WDFY3: variants seen among roughly 807,000 people sequenced by gnomAD.
WDFY3 encodes WD repeat and FYVE domain containing 3.
A neutral mutation model predicts 409.6 loss-of-function variants in WDFY3; 66 were observed. The observed-to-expected ratio is 0.16, with a 90% CI of 0.13 to 0.20. The LOEUF is 0.20. Among genes scored for constraint, WDFY3 ranks in the 10% least tolerant of loss-of-function variants. The pLI, the probability that WDFY3 is intolerant of heterozygous loss-of-function variation, is 1.00. For missense variants in WDFY3, 3,031 were observed against 4,298.1 expected (o/e 0.71, Z 8.24); for synonymous variants, 1,521 against 1,537.1 (o/e 0.99, Z 0.25).
At chr4:84,850,465 T>C (rs1046544153) in intron 4 of WDFY3, among the ~76,000 whole-genome samples, 4 of 151,980 alleles carry the variant, frequency 2.6e-5, no homozygotes, top group Non-Finnish European at 5.9e-5. Flanking sequence ...TACAGGTGCA[T>C]GCCATCATGC....
At chr4:84,939,387 G>C (rs1771830645) in intron 1 of WDFY3, among the ~76,000 whole-genome samples, 7 of 152,092 alleles carry the variant, frequency 4.6e-5, no homozygotes, top group Admixed American at 3.9e-4. Context: ...ATTATCCCTT[G>C]CAATTAGTAC....
In WDFY3 at chr4:84,954,655, ACTGT is replaced by A. The variant is rs373870350; in HGVS notation, c.-226+11550_-226+11553del. On this transcript the variant is annotated intron_variant, in intron 1 of 67. Coordinates refer to ENST00000295888, the MANE Select transcript of WDFY3 (RefSeq NM_014991.6). ...ATTTTCTTAATTTTCTGACATGTTTACTGTCTATTTACATTTATTCACTCAACAA... is the reference window on the plus strand; with the variant it reads ...ATTTTCTTAATTTTCTGACATGTTTACTATTTACATTTATTCACTCAACAA... 1.5e-3 allele frequency among the ~76,000 whole-genome samples: 235 copies of A among 152,322 alleles called. 2 individuals are homozygous for A. Among genetic ancestry groups the A allele is most frequent in the African/African-American group, 5.4e-3 (223 of 41,584 alleles).
intron 3 of WDFY3, among the ~76,000 whole-genome samples, chr4:84,870,128 T>C (rs1041552839): frequency 2.6e-5 from 4 of 152,184 alleles, no homozygotes; most frequent in African/African-American, 9.7e-5. Flanking sequence ...AACAGATCAA[T>C]AGGTAATTCA....
chr4:84,817,566 T>C lies in WDFY3; in HGVS notation c.1713A>G (p.Gly571=), dbSNP rs761879877. ...CTATATTATGTGCACATCTTGCACC[T>C]CCAAATTCTCGAAAAATTCCTTGAA... is the stretch of plus-strand genomic sequence containing the variant. ...NTNAGIFREF[G]GARCAHNIVK... Residue 571 remains glycine, a synonymous_variant, in exon 13 of 68, where the codon GGA becomes GGG. Transcript: ENST00000295888. 3.8e-6 allele frequency: 6 copies of C among 1,595,344 alleles called. No individual in the cohort carries two copies. The highest frequency in any genetic ancestry group is 5.1e-6 in the Non-Finnish European group (6 of 1,170,550).
rs1214255094 is a variant in WDFY3, at chr4:84,810,301, A to T, written c.1931T>A (p.Val644Asp). Residue 644 changes from valine (V) to aspartate (D), a missense_variant, in exon 14 of 68, where the codon GTT becomes GAT. This residue lies in a region of WDFY3 where 1,322 missense variants were observed against 1,697.9 expected (regional missense o/e 0.78). Coordinates refer to ENST00000295888, the MANE Select transcript of WDFY3 (RefSeq NM_014991.6). The stretch of plus-strand genomic sequence containing the variant: ...CACAAATCCTCCAACTTTCCTAAAA[A>T]CTGTTCTTGAACGATGGCTTTCTCG... Reference protein sequence around the residue: ...VLRESHRSRTVFRKVGGFVYI... With the variant: ...VLRESHRSRTDFRKVGGFVYI... 1 of 1,613,166 alleles carries T rather than the reference A, an allele frequency of 6.2e-7. No homozygotes were observed. Among genetic ancestry groups the T allele is most frequent in the Non-Finnish European group, 8.5e-7 (1 of 1,179,772 alleles).
At chr4:84,776,968 G>T (rs1745658577) in intron 27 of WDFY3, among the ~76,000 whole-genome samples, 1 of 152,040 alleles carries the variant, frequency 6.6e-6, no homozygotes, top group Non-Finnish European at 1.5e-5. Flanking sequence ...ATTGATTAGG[G>T]CTTGAATTAA....
At chr4:84,677,047 T>A in intron 67 of WDFY3, 152 bp downstream of exon 67, 3 of 871,640 alleles carry the variant, frequency 3.4e-6, no homozygotes, top group Non-Finnish European at 5.0e-6. Context: ...ATTGTAGTAA[T>A]AAAGAAGAAC....
intron 29 of WDFY3, among the ~76,000 whole-genome samples, chr4:84,773,666 ATAAT>A (rs1745059909): frequency 6.6e-6 from 1 of 152,244 alleles, no homozygotes; most frequent in South Asian, 2.1e-4. Flanking sequence ...AATGATAATT[ATAAT>A]TAATTCTCCA....
chr4:84,836,584 A>T (rs1756605108), intron 7 of WDFY3, among the ~76,000 whole-genome samples: 1 of 151,990 alleles, frequency 6.6e-6, no homozygotes, highest in Admixed American at 6.6e-5. Flanking sequence ...ACTAGATAGA[A>T]TTTTGAGACA....
rs752889806 is a variant in WDFY3, at chr4:84,801,645, C to T, written c.2822+5G>A. 5.0e-6 allele frequency: 8 copies of T among 1,603,112 alleles called. No individual in the cohort carries two copies. The African/African-American group carries it at 9.4e-5, about 19-fold the overall frequency. On this transcript the variant is annotated splice_donor_5th_base_variant and intron_variant, in intron 17 of 67. Coordinates refer to ENST00000295888, the MANE Select transcript of WDFY3 (RefSeq NM_014991.6). ...TGGACTATTTGAGTATGAAAGAGAA[C>T]TTACCTCAACACCATGGGTTCCAGA...
intron 3 of WDFY3, among the ~76,000 whole-genome samples, chr4:84,861,391 CTTAAT>C (rs1266811094): frequency 4.6e-5 from 7 of 152,052 alleles, no homozygotes; most frequent in African/African-American, 1.7e-4. Flanking sequence ...TTTATAATTA[CTTAAT>C]TTTTTTGCTA....
intron 19 of WDFY3, among the ~76,000 whole-genome samples, chr4:84,795,966 T>C (rs1468087400): frequency 1.3e-5 from 2 of 152,100 alleles, no homozygotes; most frequent in Non-Finnish European, 2.9e-5. Flanking sequence ...ATATTTATAA[T>C]GTATAAATTA....
chr4:84,796,565 A>G lies in WDFY3; in HGVS notation c.3123T>C (p.Val1041=). The change falls in exon 19 of 68, where the codon GTT becomes GTC. Residue 1041 remains valine, a synonymous_variant. Transcript: ENST00000295888. ...TGTCAAATTCAACAAAAGCTGGAGT[A>G]ACTGATGACCCATGAAGTCTGATGT... ...PHDIRLHGSS[V]TPAFVEFDTS... The G allele has an allele frequency of 6.2e-7, 1 of 1,606,922 alleles. No individual in the cohort carries two copies. Among genetic ancestry groups the G allele is most frequent in the Non-Finnish European group, 8.5e-7 (1 of 1,176,214 alleles).
chr4:84,702,344 T>G lies in WDFY3; in HGVS notation c.8596+9A>C, dbSNP rs2148935676. ...AACATTCCTAAGACAGTGCCATAGC[T>G]CTACGTACCTAGATCAAAGTTGTTG... is the stretch of plus-strand genomic sequence containing the variant. On this transcript the variant is annotated intron_variant, in intron 56 of 67. Coordinates refer to ENST00000295888, the MANE Select transcript of WDFY3 (RefSeq NM_014991.6). 1.3e-6 allele frequency: 2 copies of G among 1,596,946 alleles called. No homozygotes were observed. Among genetic ancestry groups the G allele is most frequent in the South Asian group, 2.3e-5 (2 of 87,680 alleles).
chr4:84,694,379 A>G (rs963834834), intron 58 of WDFY3, among the ~76,000 whole-genome samples: 6 of 152,110 alleles, frequency 3.9e-5, no homozygotes, highest in African/African-American at 1.4e-4. Flanking sequence ...ACCCTCTATT[A>G]CTCAATGTGT....
chr4:84,918,997 C>T (rs1384799958), intron 2 of WDFY3, among the ~76,000 whole-genome samples: 1 of 151,854 alleles, frequency 6.6e-6, no homozygotes, highest in Non-Finnish European at 1.5e-5. Context: ...AGGACTAAGG[C>T]TCCTAGGAGA....
At chr4:84,704,696 T>A (rs1731626589) in intron 54 of WDFY3, among the ~76,000 whole-genome samples, 1 of 152,226 alleles carries the variant, frequency 6.6e-6, no homozygotes, top group African/African-American at 2.4e-5. Context: ...TTTCATGTTT[T>A]GAGGCTTACT....
chr4:84,885,702 T>C (rs1764126790), intron 3 of WDFY3, among the ~76,000 whole-genome samples: 1 of 152,170 alleles, frequency 6.6e-6, no homozygotes, highest in African/African-American at 2.4e-5. Context: ...GCAATACAAA[T>C]TGAAACAAAA....
Position 84,672,685 on chromosome 4 carries a change from G to A in WDFY3, c.*183C>T, listed in dbSNP as rs976577607. 1.8e-4 allele frequency: 124 copies of A among 708,094 alleles called. No homozygotes were observed. The Admixed American group carries it at 1.9e-3, about 11-fold the overall frequency. The allele number at this position is 708,094 out of a possible 1,614,324, so 43.9% of individuals were successfully genotyped here. A position where few individuals can be genotyped will look rare whatever the true frequency, so the allele number is the denominator to read the frequency against. On this transcript the variant is annotated 3_prime_UTR_variant, in exon 68 of 68. Transcript: ENST00000295888. Reference sequence around the variant, plus strand: ...TCTTCTTGTGCTGTTCACCTGAATCGCGTCTGCCCCATTCCTGTACTCTAC... The same window carrying A: ...TCTTCTTGTGCTGTTCACCTGAATCACGTCTGCCCCATTCCTGTACTCTAC...
Sources: gnomAD v4.1 joint callset for allele counts (sites outside exome capture counted in the v4.1 genomes callset) on GRCh38, gnomAD v4.1.1 for gene constraint, gnomAD v4.1.1 regional missense constraint, MANE v1.5 for transcripts, NCBI Gene and HGNC (gene_info 2026-07-23, HGNC 2026-07-21) for gene names.